Variants in LIN52 observed in about 807,000 individuals in gnomAD.
LIN52 encodes lin-52 DREAM MuvB core complex component, also known as protein lin-52 homolog.
A neutral mutation model predicts 18.5 loss-of-function variants in LIN52; 4 were observed. The observed-to-expected ratio is 0.22, with a 90% CI of 0.11 to 0.49. The LOEUF (loss-of-function observed/expected upper bound fraction) is 0.49, where lower values mean the gene tolerates loss of function less well. Ranked by LOEUF, LIN52 falls within the 20% of genes least tolerant of loss-of-function variation. LIN52 has a pLI of 0.97. For missense variants in LIN52, 102 were observed against 139.5 expected (o/e 0.73, Z 1.35); for synonymous variants, 34 against 45.5 (o/e 0.75, Z 1.02).
chr14:74,145,483 A>G (rs1002347083), intron 5 of LIN52, among the ~76,000 whole-genome samples: 6 of 152,218 alleles, frequency 3.9e-5, no homozygotes, highest in African/African-American at 9.6e-5. Context: ...AAGATTCTCT[A>G]TGGAATCCTT....
At chr14:74,108,781 A>G (rs1171974908) in intron 5 of LIN52, among the ~76,000 whole-genome samples, 1 of 152,164 alleles carries the variant, frequency 6.6e-6, no homozygotes, top group Admixed American at 6.6e-5. Context: ...TATTCTAGAA[A>G]CATATATATG....
chr14:74,158,798 G>A (rs2061211945), intron 5 of LIN52, among the ~76,000 whole-genome samples: 1 of 152,302 alleles, frequency 6.6e-6, no homozygotes, highest in Non-Finnish European at 1.5e-5. Context: ...TATTTCTAGA[G>A]ATCAGAAATC....
At chr14:74,148,762 G>T (rs1386406410) in intron 5 of LIN52, among the ~76,000 whole-genome samples, 2 of 152,052 alleles carry the variant, frequency 1.3e-5, no homozygotes, top group Non-Finnish European at 2.9e-5. Flanking sequence ...TTGCTTGATT[G>T]TCTATTCCTC....
chr14:74,165,531 G>A (rs1454826830), intron 5 of LIN52, among the ~76,000 whole-genome samples: 1 of 43,892 alleles, frequency 2.3e-5, no homozygotes, highest in South Asian at 6.5e-4. Flanking sequence ...TTTTTTTTGA[G>A]ACAGAGTCTC....
intron 5 of LIN52, among the ~76,000 whole-genome samples, chr14:74,162,448 T>C (rs1242292521): frequency 8.2e-6 from 1 of 122,480 alleles, no homozygotes; most frequent in Admixed American, 1.1e-4. Flanking sequence ...TACTCCAGCC[T>C]GAGCAACAAA....
At chr14:74,108,780 AAC>A (rs1400089483) in intron 5 of LIN52, among the ~76,000 whole-genome samples, 2 of 152,174 alleles carry the variant, frequency 1.3e-5, no homozygotes, top group Non-Finnish European at 2.9e-5. Context: ...ATATTCTAGA[AAC>A]ATATATATGT....
At chr14:74,195,506 A>G (rs1313202795) in intron 5 of LIN52, among the ~76,000 whole-genome samples, 1 of 151,950 alleles carries the variant, frequency 6.6e-6, no homozygotes, top group Non-Finnish European at 1.5e-5. Context: ...AGTAAAATAC[A>G]TTTATTTATA....
intron 1 of LIN52, among the ~76,000 whole-genome samples, chr14:74,086,378 C>T (rs765926021): frequency 2.6e-5 from 4 of 151,968 alleles, no homozygotes; most frequent in African/African-American, 4.8e-5. Flanking sequence ...TATGGCTGGG[C>T]GTGGTGGTTC....
chr14:74,170,924 G>A (rs776179549), intron 5 of LIN52, among the ~76,000 whole-genome samples: 44 of 150,560 alleles, frequency 2.9e-4, no homozygotes, highest in Non-Finnish European at 4.4e-4. Flanking sequence ...GTTCACACCT[G>A]TAATCCCACA....
Position 74,097,860 on chromosome 14 carries a change from G to A in LIN52, c.199G>A (p.Glu67Lys), listed in dbSNP as rs1224731510. 1.9e-6 allele frequency: 3 copies of A among 1,609,148 alleles called. No individual in the cohort carries two copies. The highest frequency in any genetic ancestry group is 2.6e-6 in the Non-Finnish European group (3 of 1,175,624). Reference sequence around the variant, plus strand: ...ACGTGATGACATCGACATGTTGAAAGGTAAGTGATGCTAGTTACCACTTTT... The same window carrying A: ...ACGTGATGACATCGACATGTTGAAAAGTAAGTGATGCTAGTTACCACTTTT... ...IERDDIDMLK[E>K]LGSLTTANLM... The change falls in exon 4 of 6, where the codon GAA becomes AAA. Residue 67 changes from glutamate (E) to lysine (K), a missense_variant and splice_region_variant. Glu to Lys is a moderately conservative substitution (Grantham distance 56). Transcript: ENST00000555028.
At chr14:74,149,438 A>C (rs1030399605) in intron 5 of LIN52, among the ~76,000 whole-genome samples, 2 of 152,066 alleles carry the variant, frequency 1.3e-5, no homozygotes, top group South Asian at 4.1e-4. Flanking sequence ...AAGTTGAGAC[A>C]TCATGATGAG....
chr14:74,121,784 C>T (rs974607995), intron 5 of LIN52, among the ~76,000 whole-genome samples: 50 of 150,184 alleles, frequency 3.3e-4, no homozygotes, highest in Non-Finnish European at 4.0e-4. Context: ...GGTGCAGTGG[C>T]GCCATCTCAA....
intron 5 of LIN52, among the ~76,000 whole-genome samples, chr14:74,184,112 ACT>A (rs755426158): frequency 1.2e-4 from 18 of 152,012 alleles, no homozygotes; most frequent in African/African-American, 3.9e-4. Flanking sequence ...ACATTTTCTC[ACT>A]CTGTCACCCA....
intron 5 of LIN52, among the ~76,000 whole-genome samples, chr14:74,106,893 G>A (rs145729510): frequency 9.2e-4 from 140 of 152,248 alleles, no homozygotes; most frequent in African/African-American, 3.2e-3. Context: ...GCCCGGCCCC[G>A]GCCTGATTTT....
intron 4 of LIN52, among the ~76,000 whole-genome samples, chr14:74,100,751 C>CTTTGGG (rs1238168949): frequency 6.6e-6 from 1 of 152,174 alleles, no homozygotes; most frequent in Non-Finnish European, 1.5e-5. Context: ...GCTAGGATTA[C>CTTTGGG]AGGCATGAGC....
chr14:74,124,230 A>G (rs913438542), intron 5 of LIN52, among the ~76,000 whole-genome samples: 18 of 152,168 alleles, frequency 1.2e-4, no homozygotes, highest in Admixed American at 2.6e-4. Context: ...TAAAAATACC[A>G]TCTAAGATGT....
chr14:74,109,665 C>T (rs2060915628), intron 5 of LIN52, among the ~76,000 whole-genome samples: 1 of 152,122 alleles, frequency 6.6e-6, no homozygotes, highest in Admixed American at 6.5e-5. Flanking sequence ...AAATATTATA[C>T]TTCATTTGTT....
intron 5 of LIN52, among the ~76,000 whole-genome samples, chr14:74,171,740 T>TTTA (rs1177657743): frequency 2.2e-5 from 1 of 44,874 alleles, no homozygotes; most frequent in African/African-American, 5.8e-5. Context: ...TTAATTCTTT[T>TTTA]TTTTTTTTTT....
chr14:74,135,168 G>GAT lies in LIN52; in HGVS notation c.283+33931_283+33932dup, dbSNP rs529726112. On this transcript the variant is annotated intron_variant, in intron 5 of 5. Coordinates refer to ENST00000555028, the MANE Select transcript of LIN52 (RefSeq NM_001024674.3). The stretch of plus-strand genomic sequence containing the variant: ...CGATCTCCGCTTCCCGGGTTCAAGC[G>GAT]ATTCCCCTGGCTCAGCCTCCCGAGT... Among the ~76,000 whole-genome samples the GAT allele has an allele frequency of 6.8e-4, 103 of 152,214 alleles. 1 individual carries two copies. Among genetic ancestry groups the GAT allele is most frequent in the Non-Finnish European group, 1.4e-3 (92 of 68,022 alleles).
Sources: gnomAD v4.1 joint callset for allele counts (sites outside exome capture counted in the v4.1 genomes callset) on GRCh38, gnomAD v4.1.1 for gene constraint, MANE v1.5 for transcripts, NCBI Gene and HGNC (gene_info 2026-07-23, HGNC 2026-07-21) for gene names.